Variants in TMEM116 observed in about 807,000 individuals in gnomAD.
The protein encoded by TMEM116 is transmembrane protein 116.
A neutral mutation model predicts 44.3 loss-of-function variants in TMEM116; 38 were observed. The ratio of observed to expected loss-of-function variants is 0.86; its 90% CI spans 0.66 to 1.12. TMEM116 has a LOEUF of 1.12. TMEM116 is among the 50% of genes most tolerant of loss of function. The probability of loss-of-function intolerance (pLI) is 0.00; values close to 1 mark genes in which losing one functional copy is unlikely to be tolerated. For synonymous variants in TMEM116, 132 were observed against 144.8 expected, an observed-to-expected ratio of 0.91 and a Z score of 0.64; for missense variants, 354 against 401.7, an observed-to-expected ratio of 0.88 and a Z score of 1.01.
chr12:111,993,894 T>C, intron 3 of TMEM116: 1 of 731,478 alleles, frequency 1.4e-6, no homozygotes, highest in Non-Finnish European at 2.6e-6. Context: ...TCCAGAGACT[T>C]GGATTTAAAG....
chr12:111,968,979 C>T (rs1190684870), intron 4 of TMEM116, among the ~76,000 whole-genome samples: 4 of 118,114 alleles, frequency 3.4e-5, no homozygotes, highest in Non-Finnish European at 6.5e-5. Context: ...GGCAACAGAG[C>T]GAGACTCTAT....
In TMEM116 at chr12:111,933,909, G is replaced by A. The variant is rs551061593; in HGVS notation, c.710C>T (p.Ala237Val). ...VDQRVRFYPV[A>V]FFCCWGPAVI... ...ACCTGGGCCCCAGCAGCAAAAGAAG[G>A]CCACTGGGTAGAAGCGCACCCGTTG... Residue 237 changes from alanine to valine, a missense_variant, in exon 9 of 11, where the codon GCC (alanine) becomes GTC (valine). By Grantham distance (64) the Ala-to-Val change is moderately conservative (BLOSUM62 0). Coordinates refer to ENST00000552374, the MANE Select transcript of TMEM116 (RefSeq NM_001193531.2). 6.2e-7 allele frequency: 1 copy of A among 1,613,984 alleles called. No homozygotes were observed. Among genetic ancestry groups the A allele is most frequent in the African/African-American group, 1.3e-5 (1 of 74,986 alleles).
chr12:111,968,392 A>G (rs1441172015), intron 4 of TMEM116, among the ~76,000 whole-genome samples: 1 of 152,230 alleles, frequency 6.6e-6, no homozygotes. Context: ...GCAAGACCTG[A>G]ATGATTCAAA....
intron 4 of TMEM116, among the ~76,000 whole-genome samples, chr12:111,982,946 A>G (rs913247754): frequency 4.6e-5 from 7 of 152,320 alleles, no homozygotes; most frequent in Non-Finnish European, 1.0e-4. Context: ...AAGGTAATGG[A>G]AAGATACTTC....
chr12:111,979,276 T>C lies in TMEM116; in HGVS notation c.210+12482A>G, dbSNP rs1458827932. On this transcript the variant is annotated intron_variant, in intron 4 of 10. Coordinates refer to ENST00000552374, the MANE Select transcript of TMEM116 (RefSeq NM_001193531.2). ...GAATAAATTGTGTATACATATTATA[T>C]ATATATATACACAATAGAATATTAT... 3.3e-5 allele frequency among the ~76,000 whole-genome samples: 5 copies of C among 152,014 alleles called. No individual in the cohort carries two copies. The East Asian group carries it at 9.6e-4, about 29-fold the overall frequency.
At chr12:112,007,077 T>C (rs1297724958) in intron 1 of TMEM116, among the ~76,000 whole-genome samples, 2 of 152,110 alleles carry the variant, frequency 1.3e-5, no homozygotes, top group East Asian at 3.8e-4. Flanking sequence ...TGAATAGCCA[T>C]TGCACTCCAT....
intron 1 of TMEM116, among the ~76,000 whole-genome samples, chr12:112,008,147 C>G (rs1430681263): frequency 2.0e-5 from 3 of 152,148 alleles, no homozygotes; most frequent in Admixed American, 1.3e-4. Context: ...CATCACTGCA[C>G]TCACGCTCCA....
chr12:112,007,486 G>A (rs79888521), intron 1 of TMEM116, among the ~76,000 whole-genome samples: 2,222 of 152,192 alleles, frequency 0.015, 61 homozygotes, highest in African/African-American at 0.05. Flanking sequence ...ATAGTCTATA[G>A]CGGAAGACCA....
rs568813152 is a variant in TMEM116 at position 111,951,684 on chromosome 12, G to A, written c.211-8315C>T. 8.5e-5 allele frequency among the ~76,000 whole-genome samples: 13 copies of A among 152,212 alleles called. No individual in the cohort carries two copies. In the South Asian group the frequency reaches 2.7e-3, roughly 32 times the overall value. On this transcript the variant is annotated intron_variant, in intron 4 of 10. Transcript: ENST00000552374. Reference sequence around the variant, plus strand: ...TCAGAGAATGGAGGGTGGAAGGAGGGAGAGGATCAGGAAAAATAACTAATG... The same window carrying A: ...TCAGAGAATGGAGGGTGGAAGGAGGAAGAGGATCAGGAAAAATAACTAATG...
At chr12:111,987,589 A>C (rs142062075) in intron 4 of TMEM116, among the ~76,000 whole-genome samples, 118 of 152,284 alleles carry the variant, frequency 7.7e-4, no homozygotes, top group Middle Eastern at 3.4e-3. Flanking sequence ...GCACATGAAA[A>C]GCTGCCCAAC....
intron 3 of TMEM116, among the ~76,000 whole-genome samples, chr12:111,996,977 C>G (rs1157360161): frequency 6.6e-6 from 1 of 152,092 alleles, no homozygotes; most frequent in African/African-American, 2.4e-5. Flanking sequence ...AGTTCAAAAA[C>G]AAGCAAAACC....
intron 4 of TMEM116, among the ~76,000 whole-genome samples, chr12:111,952,737 C>G (rs913106744): frequency 2.6e-5 from 4 of 152,226 alleles, no homozygotes; most frequent in African/African-American, 9.6e-5. Context: ...GCTTCCTCTT[C>G]TTGAATGTCA....
chr12:111,936,841 A>G lies in TMEM116; in HGVS notation c.450-11T>C. The G allele has an allele frequency of 6.3e-7, 1 of 1,582,530 alleles. No individual in the cohort carries two copies. Among genetic ancestry groups the G allele is most frequent in the South Asian group, 1.2e-5 (1 of 84,788 alleles). On this transcript the variant is annotated splice_polypyrimidine_tract_variant and intron_variant, in intron 7 of 10. Transcript: ENST00000552374. ...TGCATCAAGATACACCTAGGAAGAA[A>G]ATCAATAAACAGGAGTACTACTACA...
At chr12:111,944,056 C>A (rs1593310437) in intron 4 of TMEM116, among the ~76,000 whole-genome samples, 1 of 151,952 alleles carries the variant, frequency 6.6e-6, no homozygotes, top group South Asian at 2.1e-4. Flanking sequence ...TTTGAATCAA[C>A]TTTCCATTCA....
At chr12:111,981,587 A>G (rs1489939877) in intron 4 of TMEM116, among the ~76,000 whole-genome samples, 1 of 152,206 alleles carries the variant, frequency 6.6e-6, no homozygotes, top group East Asian at 1.9e-4. Flanking sequence ...CCTCAAAGAC[A>G]GCATATGTCA....
intron 4 of TMEM116, among the ~76,000 whole-genome samples, chr12:111,986,236 G>C (rs2076223351): frequency 6.6e-6 from 1 of 152,058 alleles, no homozygotes; most frequent in African/African-American, 2.4e-5. Context: ...ATGTGCACCT[G>C]TGGTCCTAGC....
intron 4 of TMEM116, among the ~76,000 whole-genome samples, chr12:111,950,504 A>T (rs933023845): frequency 6.6e-6 from 1 of 151,852 alleles, no homozygotes; most frequent in African/African-American, 2.4e-5. Context: ...TTAGAACAGG[A>T]TAGAGAGCCC....
At chr12:111,987,656 C>A (rs2076302569) in intron 4 of TMEM116, among the ~76,000 whole-genome samples, 1 of 151,962 alleles carries the variant, frequency 6.6e-6, no homozygotes, top group Non-Finnish European at 1.5e-5. Flanking sequence ...CACTTTATAC[C>A]CATTAGGATG....
intron 4 of TMEM116, among the ~76,000 whole-genome samples, chr12:111,964,865 A>ATT (rs1491526993): frequency 8.6e-5 from 13 of 151,598 alleles, no homozygotes; most frequent in East Asian, 1.9e-4. Flanking sequence ...TTTAAAAAAA[A>ATT]TTTTTTTGTA....
Sources: allele counts gnomAD v4.1 joint callset (sites outside exome capture counted in the v4.1 genomes callset), GRCh38; gene constraint gnomAD v4.1.1; transcripts MANE v1.5; gene names NCBI Gene and HGNC (gene_info 2026-07-23, HGNC 2026-07-21).